Variants in OXSR1 observed in about 807,000 individuals in gnomAD.
OXSR1 encodes oxidative stress responsive kinase 1.
Under a neutral mutation model 79.8 loss-of-function variants are expected in OXSR1, and 24 were observed. The ratio of observed to expected loss-of-function variants is 0.30; its 90% CI spans 0.22 to 0.42. The LOEUF (loss-of-function observed/expected upper bound fraction) is 0.42. Ranked by LOEUF, OXSR1 falls within the 10% of genes least tolerant of loss-of-function variation. The pLI, the probability that OXSR1 is intolerant of heterozygous loss-of-function variation, is 1.00. For missense variants in OXSR1, 430 were observed against 618.4 expected, an observed-to-expected ratio of 0.70 and a Z score of 3.23; for synonymous variants, 226 against 209.2, an observed-to-expected ratio of 1.08 and a Z score of -0.69.
In OXSR1 at chr3:38,246,498, C is replaced by T. The variant is rs184953160; in HGVS notation, c.1257+277C>T. The stretch of plus-strand genomic sequence containing the variant: ...TTGTCAGCTTTGTATTAGATAATTA[C>T]ATTTAACTTCAGAATGCAGCTCATG... On this transcript the variant is annotated intron_variant, in intron 13 of 17. Coordinates refer to ENST00000311806, the MANE Select transcript of OXSR1 (RefSeq NM_005109.3). 3.5e-4 allele frequency among the ~76,000 whole-genome samples: 53 copies of T among 152,322 alleles called. 2 individuals are homozygous for T. The East Asian group carries it at 5.4e-3, about 16-fold the overall frequency.
chr3:38,243,524 A>C (rs1326724178), intron 12 of OXSR1, among the ~76,000 whole-genome samples: 1 of 152,144 alleles, frequency 6.6e-6, no homozygotes, highest in Admixed American at 6.5e-5. Context: ...TCATTACCGG[A>C]GAAAGACAAT....
intron 4 of OXSR1, among the ~76,000 whole-genome samples, chr3:38,213,328 A>C (rs1575342788): frequency 6.6e-6 from 1 of 152,162 alleles, no homozygotes; most frequent in East Asian, 1.9e-4. Flanking sequence ...TAACCATGAA[A>C]AAAACATTGT....
chr3:38,170,582 A>G (rs1701560273), intron 1 of OXSR1, among the ~76,000 whole-genome samples: 1 of 151,912 alleles, frequency 6.6e-6, no homozygotes, highest in African/African-American at 2.4e-5. Context: ...AAGGTGAACC[A>G]CCTTGTTTTA....
At chr3:38,175,906 A>G (rs1007715217) in intron 1 of OXSR1, among the ~76,000 whole-genome samples, 4 of 152,182 alleles carry the variant, frequency 2.6e-5, no homozygotes, top group Non-Finnish European at 5.9e-5. Context: ...GAAAGGCTGA[A>G]TTAGGATGTT....
chr3:38,226,507 A>T (rs927845945), intron 8 of OXSR1, among the ~76,000 whole-genome samples: 1 of 152,028 alleles, frequency 6.6e-6, no homozygotes, highest in Non-Finnish European at 1.5e-5. Flanking sequence ...AGTATGAAAA[A>T]GGAAAAATAG....
intron 8 of OXSR1, among the ~76,000 whole-genome samples, chr3:38,227,715 G>C (rs897501796): frequency 6.6e-6 from 1 of 152,064 alleles, no homozygotes; most frequent in African/African-American, 2.4e-5. Context: ...TCAGAGTAAA[G>C]AACCATCCCC....
At chr3:38,179,621 A>T (rs899514707) in intron 1 of OXSR1, among the ~76,000 whole-genome samples, 1 of 152,102 alleles carries the variant, frequency 6.6e-6, no homozygotes, top group African/African-American at 2.4e-5. Flanking sequence ...GTCCCTCAGT[A>T]TATGTGGGGG....
intron 4 of OXSR1, among the ~76,000 whole-genome samples, chr3:38,215,327 A>G (rs1363428068): frequency 6.6e-6 from 1 of 152,140 alleles, no homozygotes; most frequent in Non-Finnish European, 1.5e-5. Context: ...GCTGCAGTAG[A>G]ACCCCCTTGT....
chr3:38,241,539 C>T (rs1703035072), intron 11 of OXSR1, among the ~76,000 whole-genome samples: 3 of 151,978 alleles, frequency 2.0e-5, no homozygotes, highest in African/African-American at 7.3e-5. Context: ...GAAATGTACA[C>T]TCTGATTATT....
In OXSR1 at chr3:38,224,622, C is replaced by A; in HGVS notation, c.754C>A (p.Gln252Lys). ...NDPPSLETGV[Q>K]DKEMLKKYGK... ...TCCTCCTTCTTTGGAAACTGGTGTT[C>A]AAGATAAAGAAATGCTGAAAAAATA... Residue 252 changes from glutamine to lysine, a missense_variant, in exon 8 of 18, where the codon CAA becomes AAA. By Grantham distance (53) the Gln-to-Lys change is moderately conservative (BLOSUM62 1). Coordinates refer to ENST00000311806, the MANE Select transcript of OXSR1 (RefSeq NM_005109.3). 6.3e-7 allele frequency: 1 copy of A among 1,591,994 alleles called. No homozygotes were observed. The highest frequency in any genetic ancestry group is 2.3e-5 in the East Asian group (1 of 43,568).
chr3:38,194,759 CAA>C (rs979919479), intron 3 of OXSR1, among the ~76,000 whole-genome samples: 1 of 151,988 alleles, frequency 6.6e-6, no homozygotes, highest in African/African-American at 2.4e-5. Context: ...TACTGATAAG[CAA>C]AGACTCCCAA....
chr3:38,234,626 T>G (rs564472374), intron 10 of OXSR1, among the ~76,000 whole-genome samples: 1 of 152,222 alleles, frequency 6.6e-6, no homozygotes, highest in Non-Finnish European at 1.5e-5. Context: ...ATTGGAACAC[T>G]TCTGCACTGG....
chr3:38,201,737 G>C (rs999473091), intron 4 of OXSR1, among the ~76,000 whole-genome samples: 1 of 151,958 alleles, frequency 6.6e-6, no homozygotes, highest in African/African-American at 2.4e-5. Context: ...GGTGGTGCTT[G>C]CCTGTGGTCT....
chr3:38,247,629 G>A (rs765931328), intron 13 of OXSR1, 39 bp from the exon 14 acceptor site: 6 of 1,481,032 alleles, frequency 4.1e-6, no homozygotes, highest in Non-Finnish European at 5.7e-6. Context: ...CCCACTTAAT[G>A]TTTCAGGCAA....
rs78173666 is a variant in OXSR1 at position 38,203,681 on chromosome 3, C to G, written c.434+4818C>G. On this transcript the variant is annotated intron_variant, in intron 4 of 17. Coordinates refer to ENST00000311806, the MANE Select transcript of OXSR1 (RefSeq NM_005109.3). ...TTCTCTTTCCTTACTTTCTCCTGAGCAAATGGAGTCTCTCTGTCTCTGGGC... is the reference window on the plus strand; with the variant it reads ...TTCTCTTTCCTTACTTTCTCCTGAGGAAATGGAGTCTCTCTGTCTCTGGGC... Among the ~76,000 whole-genome samples the G allele has an allele frequency of 9.2e-4, 140 of 152,234 alleles. 4 individuals are homozygous for G. In the East Asian group the frequency reaches 0.026, roughly 28 times the overall value.
intron 2 of OXSR1, among the ~76,000 whole-genome samples, chr3:38,186,995 A>G (rs1317618376): frequency 6.6e-6 from 1 of 152,072 alleles, no homozygotes; most frequent in Non-Finnish European, 1.5e-5. Context: ...TTTTTTTGTC[A>G]TAGCCATCCT....
intron 4 of OXSR1, among the ~76,000 whole-genome samples, chr3:38,204,453 G>A (rs1304402141): frequency 2.0e-5 from 3 of 152,042 alleles, no homozygotes; most frequent in Non-Finnish European, 4.4e-5. Context: ...CACACCTGAA[G>A]CCAGCACGTC....
chr3:38,167,957 C>T (rs977336769), intron 1 of OXSR1, among the ~76,000 whole-genome samples: 22 of 148,766 alleles, frequency 1.5e-4, no homozygotes, highest in Non-Finnish European at 2.8e-4. Context: ...TGTAGTCATT[C>T]TCAAAGCCTT....
chr3:38,250,529 C>T (rs570067815), intron 15 of OXSR1, among the ~76,000 whole-genome samples: 2 of 152,268 alleles, frequency 1.3e-5, no homozygotes, highest in South Asian at 4.1e-4. Context: ...TGAGGTCTGT[C>T]ATGTACTGTT....
Sources: gnomAD v4.1 joint callset for allele counts (sites outside exome capture counted in the v4.1 genomes callset) on GRCh38, gnomAD v4.1.1 for gene constraint, MANE v1.5 for transcripts, NCBI Gene and HGNC (gene_info 2026-07-23, HGNC 2026-07-21) for gene names.